DNAJC1: variants seen among roughly 807,000 people sequenced by gnomAD.
DNAJC1 encodes the protein dnaJ homolog subfamily C member 1.
In DNAJC1, 58 loss-of-function variants were observed where a neutral mutation model predicts 76.6. The observed-to-expected ratio is 0.76, with a 90% CI of 0.61 to 0.94. The LOEUF (loss-of-function observed/expected upper bound fraction) is 0.94. DNAJC1 is among the 40% of genes least tolerant of loss of function. The pLI is 0.00. For synonymous variants in DNAJC1, 258 were observed against 267.9 expected, an observed-to-expected ratio of 0.96 and a Z score of 0.36; for missense variants, 689 against 677.3, an observed-to-expected ratio of 1.02 and a Z score of -0.19.
intron 7 of DNAJC1, among the ~76,000 whole-genome samples, chr10:21,892,215 A>G (rs1001733016): frequency 6.6e-6 from 1 of 152,090 alleles, no homozygotes; most frequent in Non-Finnish European, 1.5e-5. Flanking sequence ...GTTGAGCCAC[A>G]GGGAGGCAGA....
chr10:21,758,408 T>A (rs545271435), intron 11 of DNAJC1, among the ~76,000 whole-genome samples: 4 of 152,236 alleles, frequency 2.6e-5, no homozygotes, highest in South Asian at 4.1e-4. Flanking sequence ...CATGGCCAGA[T>A]CACAGGAAAG....
intron 8 of DNAJC1, among the ~76,000 whole-genome samples, chr10:21,850,038 T>C (rs1835727734): frequency 6.6e-6 from 1 of 152,132 alleles, no homozygotes; most frequent in African/African-American, 2.4e-5. Context: ...GACTAAAAAC[T>C]TTCCCGTTGA....
At chr10:21,796,140 T>G (rs1350968893) in intron 9 of DNAJC1, among the ~76,000 whole-genome samples, 1 of 151,978 alleles carries the variant, frequency 6.6e-6, no homozygotes, top group Non-Finnish European at 1.5e-5. Flanking sequence ...CAGCTAATTT[T>G]TGTATTTTTA....
chr10:21,832,327 T>G (rs1564801053), intron 8 of DNAJC1, among the ~76,000 whole-genome samples: 1 of 152,224 alleles, frequency 6.6e-6, no homozygotes, highest in Non-Finnish European at 1.5e-5. Context: ...GCTTCCCTGG[T>G]TTTAGCCATC....
rs751051022 is a variant in DNAJC1 at position 22,003,317 on chromosome 10, C to CCAGCAGCAG, written c.109_117dup (p.Leu37_Leu39dup). The CCAGCAGCAG allele has an allele frequency of 2.0e-6, 3 of 1,517,322 alleles. No homozygotes were observed. Among genetic ancestry groups the CCAGCAGCAG allele is most frequent in the Non-Finnish European group, 2.6e-6 (3 of 1,132,776 alleles). The allele number at this position is 1,517,322 out of a possible 1,614,324, so 94.0% of individuals were successfully genotyped here. ...CAGCCGCGCGCCGGCGCCACGGCGG[C>CCAGCAGCAG]CAGCAGCAGCAGCAGCAGCCACAGC... On this transcript the variant is annotated inframe_insertion, in exon 1 of 12. Transcript: ENST00000376980.
intron 6 of DNAJC1, among the ~76,000 whole-genome samples, chr10:21,911,591 G>C (rs928144919): frequency 6.6e-6 from 1 of 152,102 alleles, no homozygotes; most frequent in African/African-American, 2.4e-5. Context: ...GAGATGCACA[G>C]CCTAAAAACT....
chr10:21,857,874 C>CAAA (rs576361665), intron 8 of DNAJC1, among the ~76,000 whole-genome samples: 1 of 141,088 alleles, frequency 7.1e-6, no homozygotes, highest in African/African-American at 2.6e-5. Context: ...AACAAACAAA[C>CAAA]AAAAAAAAAA....
Position 21,759,398 on chromosome 10 carries a change from C to T in DNAJC1, c.1368G>A (p.Lys456=), listed in dbSNP as rs1834214487. 2.5e-6 allele frequency: 4 copies of T among 1,614,208 alleles called. No individual in the cohort carries two copies. The highest frequency in any genetic ancestry group is 3.4e-6 in the Non-Finnish European group (4 of 1,180,044). The change falls in exon 11 of 12, where the codon AAG becomes AAA. Residue 456 remains lysine (K), a synonymous_variant. Transcript: ENST00000376980. ...KPARLLEATA[K]PEPEEKSRAK... ...CTCTGGACTTCTCCTCTGGCTCCGG[C>T]TTCGCTGTAGCCTCCAGCAGCCTGG...
At chr10:21,924,304 A>C (rs1837085766) in intron 3 of DNAJC1, among the ~76,000 whole-genome samples, 1 of 152,170 alleles carries the variant, frequency 6.6e-6, no homozygotes, top group Non-Finnish European at 1.5e-5. Flanking sequence ...TAACATATTA[A>C]GGCTGAATAA....
intron 9 of DNAJC1, among the ~76,000 whole-genome samples, chr10:21,781,530 G>A (rs1834527176): frequency 6.6e-6 from 1 of 152,016 alleles, no homozygotes; most frequent in African/African-American, 2.4e-5. Flanking sequence ...GACCATCCTG[G>A]CTAACACGGT....
intron 1 of DNAJC1, among the ~76,000 whole-genome samples, chr10:21,973,170 T>C (rs770164407): frequency 2.0e-5 from 3 of 152,124 alleles, no homozygotes; most frequent in Non-Finnish European, 4.4e-5. Flanking sequence ...AAAATCAAAA[T>C]TTCTATGACC....
At chr10:21,899,844 T>C (rs1590039643) in intron 7 of DNAJC1, among the ~76,000 whole-genome samples, 1 of 152,112 alleles carries the variant, frequency 6.6e-6, no homozygotes, top group African/African-American at 2.4e-5. Flanking sequence ...CAAAGCTGAG[T>C]CTGCTGAACC....
chr10:21,876,834 G>C (rs1836196509), intron 8 of DNAJC1, among the ~76,000 whole-genome samples: 1 of 152,174 alleles, frequency 6.6e-6, no homozygotes, highest in Admixed American at 6.6e-5. Flanking sequence ...CAAGGGTTTG[G>C]AGAACTTTTG....
At chr10:21,901,945 A>G (rs1836662052) in intron 7 of DNAJC1, among the ~76,000 whole-genome samples, 1 of 152,206 alleles carries the variant, frequency 6.6e-6, no homozygotes. Context: ...AGAATACTGT[A>G]ATGAAGTTAA....
At chr10:21,891,151 T>C (rs558979797) in intron 7 of DNAJC1, among the ~76,000 whole-genome samples, 8 of 152,096 alleles carry the variant, frequency 5.3e-5, no homozygotes, top group East Asian at 3.9e-4. Context: ...GACGGTACCA[T>C]TGCATTCCAG....
intron 8 of DNAJC1, among the ~76,000 whole-genome samples, chr10:21,850,319 A>G (rs1311203492): frequency 1.3e-5 from 2 of 152,166 alleles, no homozygotes; most frequent in African/African-American, 4.8e-5. Flanking sequence ...GACACTAACA[A>G]TGGACAATAT....
At chr10:21,952,098 T>C (rs1180083944) in intron 1 of DNAJC1, among the ~76,000 whole-genome samples, 2 of 152,210 alleles carry the variant, frequency 1.3e-5, no homozygotes, top group African/African-American at 4.8e-5. Flanking sequence ...GCCAACATTA[T>C]TGTTAAGTGT....
chr10:21,759,131 T>G (rs757278209), intron 11 of DNAJC1, 39 bp downstream of exon 11: 1 of 1,571,542 alleles, frequency 6.4e-7, no homozygotes, highest in Non-Finnish European at 8.6e-7. Context: ...CTGGTGGGAT[T>G]CTAACACCTG....
chr10:21,920,705 GA>G, intron 4 of DNAJC1, 92 bp downstream of exon 4: 1 of 1,259,282 alleles, frequency 7.9e-7, no homozygotes, highest in Non-Finnish European at 1.1e-6. Context: ...TATACAGAGA[GA>G]AACAGAAATT....
Sources: allele counts gnomAD v4.1 joint callset (sites outside exome capture counted in the v4.1 genomes callset), GRCh38; gene constraint gnomAD v4.1.1; transcripts MANE v1.5; gene names NCBI Gene and HGNC (gene_info 2026-07-23, HGNC 2026-07-21).